The following CEP112 variants were observed in gnomAD, a reference collection of about 807,000 sequenced individuals.
The protein encoded by CEP112 is centrosomal protein 112.
Under a neutral mutation model 153.0 loss-of-function variants are expected in CEP112, and 127 were observed. That is an observed-to-expected ratio of 0.83 (90% confidence interval 0.72 to 0.96). The LOEUF (loss-of-function observed/expected upper bound fraction) is 0.96, where lower values mean the gene tolerates loss of function less well. Ranked by LOEUF, CEP112 falls within the 40% of genes least tolerant of loss-of-function variation. CEP112 has a pLI of 0.00. For missense variants in CEP112, 1,089 were observed against 1,101.2 expected (o/e 0.99, Z 0.16); for synonymous variants, 358 against 374.4 (o/e 0.96, Z 0.51).
At chr17:65,856,428 T>C (rs1302398493) in intron 20 of CEP112, among the ~76,000 whole-genome samples, 1 of 152,236 alleles carries the variant, frequency 6.6e-6, no homozygotes, top group Admixed American at 6.5e-5. Flanking sequence ...TTTTATCACA[T>C]ACTGTATCAT....
intron 20 of CEP112, among the ~76,000 whole-genome samples, chr17:65,864,903 G>A (rs1325534925): frequency 1.3e-5 from 2 of 150,324 alleles, no homozygotes; most frequent in African/African-American, 4.9e-5. Context: ...GGGCTTTTTA[G>A]GGGTAAGCAA....
rs141430115 is a variant in CEP112, at chr17:65,761,843, G to T, written c.2395-11119C>A. ...TATCTAGGGGAATGGTCCATGTGAGGTTGCAAAGAATGTGTATGCCGCTGC... is the reference window on the plus strand; with the variant it reads ...TATCTAGGGGAATGGTCCATGTGAGTTTGCAAAGAATGTGTATGCCGCTGC... On this transcript the variant is annotated intron_variant, in intron 21 of 26. Coordinates refer to ENST00000535342, the MANE Select transcript of CEP112 (RefSeq NM_001199165.4). Among the ~76,000 whole-genome samples, 5 of 152,194 alleles carry T rather than the reference G, an allele frequency of 3.3e-5. No individual in the cohort carries two copies. The East Asian group carries it at 9.7e-4, about 29-fold the overall frequency.
chr17:65,641,258 G>C (rs978497807), intron 24 of CEP112, among the ~76,000 whole-genome samples, 193 bp from the exon 25 acceptor site: 3 of 152,212 alleles, frequency 2.0e-5, no homozygotes, highest in African/African-American at 7.2e-5. Flanking sequence ...CTGTGACTCT[G>C]AGAGAGATGG....
intron 24 of CEP112, among the ~76,000 whole-genome samples, chr17:65,647,572 G>A (rs1347549560): frequency 6.7e-6 from 1 of 150,082 alleles, no homozygotes; most frequent in Non-Finnish European, 1.5e-5. Flanking sequence ...ACCTCCCGAG[G>A]CTCAAGTGAT....
chr17:65,983,193 C>T (rs899570373), intron 17 of CEP112, among the ~76,000 whole-genome samples: 2 of 152,140 alleles, frequency 1.3e-5, no homozygotes, highest in African/African-American at 4.8e-5. Context: ...GAATTGCTTA[C>T]TCTAAAATGT....
Position 65,816,774 on chromosome 17 carries a change from T to A in CEP112, c.2394+35030A>T, listed in dbSNP as rs563915977. ...TTTCTCTTGCAATATTAATATCTAG[T>A]TTTGTTATCAGGATAATGATAAGTT... On this transcript the variant is annotated intron_variant, in intron 21 of 26. Coordinates refer to ENST00000535342, the MANE Select transcript of CEP112 (RefSeq NM_001199165.4). Among the ~76,000 whole-genome samples, 5 of 152,132 alleles carry A rather than the reference T, an allele frequency of 3.3e-5. No homozygotes were observed. The East Asian group carries it at 9.6e-4, about 29-fold the overall frequency.
chr17:66,102,482 T>G (rs2146318116), intron 6 of CEP112, among the ~76,000 whole-genome samples: 1 of 152,030 alleles, frequency 6.6e-6, no homozygotes, highest in East Asian at 1.9e-4. Context: ...AGGAAGAAAC[T>G]ATATAATCCT....
At chr17:65,768,778 G>C (rs1301137536) in intron 21 of CEP112, among the ~76,000 whole-genome samples, 1 of 152,028 alleles carries the variant, frequency 6.6e-6, no homozygotes, top group Non-Finnish European at 1.5e-5. Context: ...CAGAAGGAAA[G>C]TTCTTCAACA....
chr17:65,923,195 C>T (rs2060795471), intron 19 of CEP112, among the ~76,000 whole-genome samples: 1 of 152,146 alleles, frequency 6.6e-6, no homozygotes, highest in African/African-American at 2.4e-5. Flanking sequence ...ATTGCACCGG[C>T]TTTTGCAGTT....
intron 17 of CEP112, among the ~76,000 whole-genome samples, chr17:65,967,967 T>C (rs189082635): frequency 6.6e-6 from 1 of 152,298 alleles, no homozygotes; most frequent in Non-Finnish European, 1.5e-5. Flanking sequence ...CCACATATGA[T>C]GCTATTTTCG....
chr17:65,682,859 C>T, intron 24 of CEP112, among the ~76,000 whole-genome samples: 1 of 152,224 alleles, frequency 6.6e-6, no homozygotes, highest in Non-Finnish European at 1.5e-5. Context: ...CAACTATAAT[C>T]ACACACGTTG....
At chr17:66,103,684 C>T (rs2068660596) in intron 6 of CEP112, among the ~76,000 whole-genome samples, 1 of 152,114 alleles carries the variant, frequency 6.6e-6, no homozygotes, top group Admixed American at 6.5e-5. Context: ...GGTGAGTGAT[C>T]ACAGTACCTG....
intron 21 of CEP112, among the ~76,000 whole-genome samples, chr17:65,762,197 T>C (rs2052657213): frequency 1.3e-5 from 2 of 152,198 alleles, no homozygotes; most frequent in Admixed American, 1.3e-4. Context: ...ACCATATCCC[T>C]GATAATTTTT....
At chr17:65,708,740 G>C (rs1388938986) in intron 23 of CEP112, among the ~76,000 whole-genome samples, 2 of 152,176 alleles carry the variant, frequency 1.3e-5, no homozygotes, top group Non-Finnish European at 2.9e-5. Flanking sequence ...AAATTTAAAT[G>C]GTTCTTAAGA....
At chr17:66,107,300 A>G (rs1210378166) in intron 6 of CEP112, among the ~76,000 whole-genome samples, 1 of 152,176 alleles carries the variant, frequency 6.6e-6, no homozygotes, top group Non-Finnish European at 1.5e-5. Flanking sequence ...TAGAGCAATC[A>G]GACAAGAGGA....
intron 19 of CEP112, among the ~76,000 whole-genome samples, chr17:65,907,252 T>C (rs2060117736): frequency 6.6e-6 from 1 of 152,200 alleles, no homozygotes; most frequent in Non-Finnish European, 1.5e-5. Flanking sequence ...TGAAGTTTCT[T>C]ATAGACTCAT....
At chr17:66,082,856 A>C (rs1310178120) in intron 8 of CEP112, among the ~76,000 whole-genome samples, 1 of 151,654 alleles carries the variant, frequency 6.6e-6, no homozygotes, top group African/African-American at 2.4e-5. Context: ...ATTAATATTA[A>C]TATTAATATT....
intron 12 of CEP112, among the ~76,000 whole-genome samples, chr17:66,044,520 A>C (rs1176610546): frequency 6.6e-6 from 1 of 152,190 alleles, no homozygotes; most frequent in Non-Finnish European, 1.5e-5. Flanking sequence ...CATAGAGTGG[A>C]ATTATTATTT....
intron 22 of CEP112, among the ~76,000 whole-genome samples, chr17:65,747,928 ATGCATTCAT>A (rs1299712705): frequency 2.0e-5 from 3 of 152,342 alleles, no homozygotes; most frequent in African/African-American, 7.2e-5. Context: ...TTCATTACTA[ATGCATTCAT>A]TTTCTTTTTT....
Sources: allele counts gnomAD v4.1 joint callset (sites outside exome capture counted in the v4.1 genomes callset), GRCh38; gene constraint gnomAD v4.1.1; transcripts MANE v1.5; gene names NCBI Gene and HGNC (gene_info 2026-07-23, HGNC 2026-07-21).